TFDP2: variants seen among roughly 807,000 people sequenced by gnomAD.
TFDP2 encodes the protein transcription factor Dp-2 (E2F dimerization partner 2).
TFDP2 carries 17 observed loss-of-function variants against 59.3 expected under a neutral mutation model. The ratio of observed to expected loss-of-function variants is 0.29; its 90% CI spans 0.20 to 0.43. TFDP2 has a LOEUF of 0.43. Ranked by LOEUF, TFDP2 falls within the 20% of genes least tolerant of loss-of-function variation. The probability of loss-of-function intolerance (pLI) is 1.00; values close to 1 mark genes in which losing one functional copy is unlikely to be tolerated. For synonymous variants in TFDP2, 180 were observed against 194.7 expected, an observed-to-expected ratio of 0.92 and a Z score of 0.63; for missense variants, 391 against 528.8, an observed-to-expected ratio of 0.74 and a Z score of 2.56.
In TFDP2 at chr3:142,121,668, T is replaced by A. The variant is rs1027604109; in HGVS notation, c.-92-19827A>T. Among the ~76,000 whole-genome samples the A allele has an allele frequency of 6.6e-6, 1 of 152,096 alleles. No individual in the cohort carries two copies. Among genetic ancestry groups the A allele is most frequent in the African/African-American group, 2.4e-5 (1 of 41,388 alleles). On this transcript the variant is annotated intron_variant, in intron 1 of 12. Coordinates refer to ENST00000489671, the MANE Select transcript of TFDP2 (RefSeq NM_001178139.2). This position sits in a 1 kb window ranked among gnomAD's most constrained non-coding sequence, Gnocchi z 4.3. ...GCTTCCATAGGCTATACAGATTGAC[T>A]ATACAGTTTAGAAGACTCTTTCAAG...
chr3:142,094,184 A>G (rs1392977289), intron 2 of TFDP2, among the ~76,000 whole-genome samples: 1 of 152,128 alleles, frequency 6.6e-6, no homozygotes, highest in African/African-American at 2.4e-5. Context: ...AATTGGCTCT[A>G]TTATTACTAT....
chr3:141,994,957 G>T, intron 5 of TFDP2, 63 bp downstream of exon 5: 2 of 1,400,480 alleles, frequency 1.4e-6, no homozygotes, highest in Non-Finnish European at 1.9e-6. Flanking sequence ...AGACAAGATA[G>T]TAAGAAAAAA....
At chr3:142,081,172 A>C (rs1356225718) in intron 3 of TFDP2, among the ~76,000 whole-genome samples, 1 of 152,208 alleles carries the variant, frequency 6.6e-6, no homozygotes, top group Non-Finnish European at 1.5e-5. Flanking sequence ...AGACATCAAT[A>C]ACAAGAGGAA....
At chr3:141,970,289 T>C (rs1039000507) in intron 8 of TFDP2, 148 bp from the exon 9 acceptor site, 3 of 687,114 alleles carry the variant, frequency 4.4e-6, no homozygotes, top group African/African-American at 1.8e-5. Context: ...CATATCTTTG[T>C]AGGGGGCAGG....
intron 3 of TFDP2, among the ~76,000 whole-genome samples, chr3:142,068,989 C>T (rs1030380746): frequency 6.6e-6 from 1 of 152,104 alleles, no homozygotes; most frequent in African/African-American, 2.4e-5. Context: ...AATGTCGGCT[C>T]AATGCAACCT....
At chr3:142,110,954 G>GA (rs10713378) in intron 1 of TFDP2, among the ~76,000 whole-genome samples, 4 of 148,764 alleles carry the variant, frequency 2.7e-5, no homozygotes, top group East Asian at 2.0e-4. Context: ...CTCTGCCTTG[G>GA]AAAAAAAAAA....
At chr3:141,979,619 C>T (rs961386242) in intron 6 of TFDP2, among the ~76,000 whole-genome samples, 6 of 152,074 alleles carry the variant, frequency 3.9e-5, no homozygotes, top group African/African-American at 4.8e-5. Flanking sequence ...GAGAGAGTTT[C>T]GCTCTATCCC....
intron 3 of TFDP2, among the ~76,000 whole-genome samples, chr3:142,086,949 AC>A (rs1479672812): frequency 6.6e-6 from 1 of 152,210 alleles, no homozygotes; most frequent in Non-Finnish European, 1.5e-5. Flanking sequence ...AGATGCTCCT[AC>A]CACTCAGGAA....
At chr3:142,069,829 G>C (rs977158831) in intron 3 of TFDP2, among the ~76,000 whole-genome samples, 1 of 149,680 alleles carries the variant, frequency 6.7e-6, no homozygotes, top group Admixed American at 6.7e-5. Context: ...GGCTTGTCTT[G>C]AACTCCTTAC....
chr3:142,118,940 C>T (rs910223641), intron 1 of TFDP2, among the ~76,000 whole-genome samples: 1 of 152,110 alleles, frequency 6.6e-6, no homozygotes, highest in African/African-American at 2.4e-5. Flanking sequence ...ACAGGTGGAT[C>T]ACTTGAGGCC....
chr3:141,967,762 G>T (rs746290175), intron 9 of TFDP2, among the ~76,000 whole-genome samples: 3 of 152,096 alleles, frequency 2.0e-5, no homozygotes, highest in Admixed American at 6.6e-5. Context: ...TAGAGGAAAA[G>T]AAGTTCAAGA....
rs1034461360 is a variant in TFDP2 at position 142,121,251 on chromosome 3, T to C, written c.-92-19410A>G. Among the ~76,000 whole-genome samples, 1 of 152,210 alleles carries C rather than the reference T, an allele frequency of 6.6e-6. No individual in the cohort carries two copies. Among genetic ancestry groups the C allele is most frequent in the African/African-American group, 2.4e-5 (1 of 41,444 alleles). On this transcript the variant is annotated intron_variant, in intron 1 of 12. Transcript: ENST00000489671. This position sits in a 1 kb window ranked among gnomAD's most constrained non-coding sequence, Gnocchi z 4.3. ...ACAAACATTTAGTCAATGCCCATCA[T>C]GTACCCAGCATTGTGCTCTACCCAA... is the stretch of plus-strand genomic sequence containing the variant.
At chr3:142,099,134 A>G (rs1246229989) in intron 2 of TFDP2, among the ~76,000 whole-genome samples, 2 of 152,160 alleles carry the variant, frequency 1.3e-5, no homozygotes, top group East Asian at 1.9e-4. Context: ...CCTATCTACA[A>G]TCTCTTCTGT....
intron 3 of TFDP2, among the ~76,000 whole-genome samples, chr3:142,024,879 G>C (rs539711726): frequency 2.0e-5 from 3 of 152,184 alleles, no homozygotes; most frequent in African/African-American, 7.2e-5. Flanking sequence ...AATTAGCCGG[G>C]TTTGGTGGCG....
In TFDP2 at chr3:141,988,589, C is replaced by T. The variant is rs530393080; in HGVS notation, c.356+4949G>A. On this transcript the variant is annotated intron_variant, in intron 6 of 12. Coordinates refer to ENST00000489671, the MANE Select transcript of TFDP2 (RefSeq NM_001178139.2). ...TCTCTGCAGCAACACTAGACTGCTG[C>T]CAAGTTATTTCATTAAAATAAAAAT... 7.2e-5 allele frequency among the ~76,000 whole-genome samples: 11 copies of T among 152,144 alleles called. 1 individual carries two copies. The highest frequency in any genetic ancestry group is 2.7e-4 in the African/African-American group (11 of 41,504).
chr3:142,049,522 T>TA (rs936620896), intron 3 of TFDP2, among the ~76,000 whole-genome samples: 9 of 152,092 alleles, frequency 5.9e-5, no homozygotes, highest in South Asian at 2.1e-4. Context: ...ATACTTATGG[T>TA]AAAAAAATTG....
Position 142,132,023 on chromosome 3 carries a change from G to T in TFDP2, c.-93+17160C>A, listed in dbSNP as rs1167990893. 6.7e-4 allele frequency among the ~76,000 whole-genome samples: 87 copies of T among 130,478 alleles called. 1 individual carries two copies. The highest frequency in any genetic ancestry group is 8.5e-4 in the Non-Finnish European group (52 of 61,456). 85.6% of individuals were successfully genotyped at this position (130,478 alleles called of 152,430 possible). A position where few individuals can be genotyped will look rare whatever the true frequency, so the allele number is the denominator to read the frequency against. ...CGTCTCAAAAAAAAAAAAAAAAAAA[G>T]TCTAAACAAAACCTTGTATAAAAAT... On this transcript the variant is annotated intron_variant, in intron 1 of 12. Coordinates refer to ENST00000489671, the MANE Select transcript of TFDP2 (RefSeq NM_001178139.2).
intron 3 of TFDP2, among the ~76,000 whole-genome samples, chr3:142,018,677 TCAAG>T (rs1945333064): frequency 6.6e-6 from 1 of 152,108 alleles, no homozygotes; most frequent in African/African-American, 2.4e-5. Flanking sequence ...ACTCCTGGGC[TCAAG>T]CAATCCTCCC....
At chr3:141,977,541 G>A (rs1162807051) in intron 7 of TFDP2, among the ~76,000 whole-genome samples, 2 of 152,040 alleles carry the variant, frequency 1.3e-5, no homozygotes, top group African/African-American at 2.4e-5. Context: ...TCATTGAGCC[G>A]AAACTGCACC....
Sources: allele counts gnomAD v4.1 joint callset (sites outside exome capture counted in the v4.1 genomes callset), GRCh38; gene constraint gnomAD v4.1.1; non-coding constraint Gnocchi (gnomAD v3.1); transcripts MANE v1.5; gene names NCBI Gene and HGNC (gene_info 2026-07-23, HGNC 2026-07-21).